The following CCDC7 variants were observed in gnomAD, a reference collection of about 807,000 sequenced individuals.
The protein encoded by CCDC7 is coiled-coil domain containing 7.
In CCDC7, 183 loss-of-function variants were observed where a neutral mutation model predicts 196.9. That is an observed-to-expected ratio of 0.93 (90% CI 0.82 to 1.05). CCDC7 has a LOEUF of 1.05. Among genes scored for constraint, CCDC7 ranks in the 50% least tolerant of loss-of-function variants. The pLI is 0.00. For missense variants in CCDC7, 1,540 were observed against 1,482.2 expected, an observed-to-expected ratio of 1.04 and a Z score of -0.64; for synonymous variants, 525 against 484.6, an observed-to-expected ratio of 1.08 and a Z score of -1.10.
intron 13 of CCDC7, among the ~76,000 whole-genome samples, chr10:32,550,916 A>G (rs2053371291): frequency 6.6e-6 from 1 of 152,126 alleles, no homozygotes; most frequent in African/African-American, 2.4e-5. Flanking sequence ...GCTTCATAGA[A>G]TGAATTAGGG....
At position 32,647,168 on chromosome 10, in the gene CCDC7, A is replaced by G. The variant is rs571411977; in HGVS notation, c.2014+12010A>G. Among the ~76,000 whole-genome samples, 6 of 152,348 alleles carry G rather than the reference A, an allele frequency of 3.9e-5. No homozygotes were observed. The East Asian group carries it at 1.2e-3, about 29-fold the overall frequency. Reference sequence around the variant, plus strand: ...TTGAGACATCTCCAAACTGCTTTCCATAGTGGCTGAGCTAATTTACATTCC... The same window carrying G: ...TTGAGACATCTCCAAACTGCTTTCCGTAGTGGCTGAGCTAATTTACATTCC... On this transcript the variant is annotated intron_variant, in intron 20 of 41. Coordinates refer to ENST00000639629, the Ensembl canonical transcript of CCDC7.
Position 32,511,585 on chromosome 10 carries a change from T to C in CCDC7, c.873-6360T>C, listed in dbSNP as rs572701042. On this transcript the variant is annotated intron_variant, in intron 9 of 41. Coordinates refer to ENST00000639629, the Ensembl canonical transcript of CCDC7. Reference sequence around the variant, plus strand: ...ATGCAGAAACCAAATCCACTTTTGCTTGTTCAAGTGGATCCAACTTCTGCA... The same window carrying C: ...ATGCAGAAACCAAATCCACTTTTGCCTGTTCAAGTGGATCCAACTTCTGCA... The C allele has an allele frequency of 9.3e-4, 1,487 of 1,605,392 alleles. 6 individuals carry two copies. Among genetic ancestry groups the C allele is most frequent in the South Asian group, 1.6e-3 (141 of 90,840 alleles).
Position 32,642,437 on chromosome 10 carries a change from G to T in CCDC7, c.2014+7279G>T, listed in dbSNP as rs572205383. 9.6e-4 allele frequency among the ~76,000 whole-genome samples: 146 copies of T among 152,342 alleles called. No individual in the cohort carries two copies. The East Asian group carries it at 0.012, about 12-fold the overall frequency. ...AATGAGCGAGGCTCCGTGGGCGTAG[G>T]ACCCTCCGAGCCAGGTGCGGGATAT... On this transcript the variant is annotated intron_variant, in intron 20 of 41. Coordinates refer to ENST00000639629, the Ensembl canonical transcript of CCDC7.
chr10:32,821,705 G>A (rs1216700928), intron 31 of CCDC7, among the ~76,000 whole-genome samples: 1 of 151,852 alleles, frequency 6.6e-6, no homozygotes, highest in African/African-American at 2.4e-5. Context: ...GCAAACTATC[G>A]CAAGGCCAAA....
chr10:32,514,716 G>T (rs2046757960), intron 9 of CCDC7: 1 of 152,178 alleles, frequency 6.6e-6, no homozygotes, highest in African/African-American at 2.4e-5. Context: ...GAATTTAAAA[G>T]AAATGCAAGA....
chr10:32,686,100 A>G lies in CCDC7; in HGVS notation c.2233+20A>G, dbSNP rs1356042379. 6 of 1,137,652 alleles carry G rather than the reference A, an allele frequency of 5.3e-6. No individual in the cohort carries two copies. The highest frequency in any genetic ancestry group is 1.5e-5 in the South Asian group (1 of 68,836). 70.5% of individuals were successfully genotyped at this position (1,137,652 alleles called of 1,614,324 possible). On this transcript the variant is annotated intron_variant, in intron 22 of 41. Coordinates refer to ENST00000639629, the Ensembl canonical transcript of CCDC7. Reference sequence around the variant, plus strand: ...TCACCAGTAAGTATAAAAATTACACATAACTTTACATTATTTTAAATTAGT... The same window carrying G: ...TCACCAGTAAGTATAAAAATTACACGTAACTTTACATTATTTTAAATTAGT...
At chr10:32,627,821 A>G (rs1337850030) in intron 18 of CCDC7, among the ~76,000 whole-genome samples, 1 of 151,772 alleles carries the variant, frequency 6.6e-6, no homozygotes, top group Non-Finnish European at 1.5e-5. Context: ...ACATTTATTG[A>G]TTTGTATGTA....
At chr10:32,794,362 T>A (rs752550143) in intron 29 of CCDC7, among the ~76,000 whole-genome samples, 4 of 152,248 alleles carry the variant, frequency 2.6e-5, no homozygotes, top group South Asian at 2.1e-4. Context: ...TTTGCTATTG[T>A]GAATAGTGCA....
chr10:32,555,279 C>T (rs1321502663), intron 13 of CCDC7, among the ~76,000 whole-genome samples: 2 of 147,010 alleles, frequency 1.4e-5, no homozygotes, highest in African/African-American at 2.5e-5. Flanking sequence ...TGGAGTCTTG[C>T]TGTGTGGCCA....
chr10:32,501,725 G>A (rs2044071232), intron 9 of CCDC7, among the ~76,000 whole-genome samples: 1 of 152,210 alleles, frequency 6.6e-6, no homozygotes, highest in South Asian at 2.1e-4. Flanking sequence ...TCATCTCAGA[G>A]GGGCACCAGC....
intron 29 of CCDC7, among the ~76,000 whole-genome samples, chr10:32,779,421 T>C (rs1175747572): frequency 6.6e-6 from 1 of 152,234 alleles, no homozygotes; most frequent in Non-Finnish European, 1.5e-5. Flanking sequence ...TAATTTCTTA[T>C]ACCATCTTTT....
intron 8 of CCDC7, among the ~76,000 whole-genome samples, chr10:32,476,659 C>T (rs2039032619): frequency 6.6e-6 from 1 of 152,178 alleles, no homozygotes; most frequent in Admixed American, 6.5e-5. Context: ...GGGGCTGTAC[C>T]ATTTTGCATT....
chr10:32,600,494 A>T (rs1239060796), intron 18 of CCDC7, among the ~76,000 whole-genome samples: 1 of 152,112 alleles, frequency 6.6e-6, no homozygotes, highest in East Asian at 1.9e-4. Context: ...ATATGATCAT[A>T]TCATCGGCAA....
intron 11 of CCDC7, among the ~76,000 whole-genome samples, chr10:32,525,269 A>C (rs928906514): frequency 8.5e-5 from 13 of 152,108 alleles, no homozygotes; most frequent in Non-Finnish European, 1.5e-4. Flanking sequence ...AGAAAAAAAA[A>C]CCCAAATAGC....
downstream of CCDC7, chr10:32,876,668 A>G (rs527317027): frequency 3.4e-6 from 1 of 296,044 alleles, no homozygotes; most frequent in South Asian, 7.1e-5. Flanking sequence ...ACAAATAATA[A>G]AAATATTCAC....
intron 29 of CCDC7, among the ~76,000 whole-genome samples, chr10:32,794,193 C>G (rs191488548): frequency 6.6e-6 from 1 of 152,146 alleles, no homozygotes. Flanking sequence ...GGTTTTCTGT[C>G]CCTGCATTGT....
intron 21 of CCDC7, among the ~76,000 whole-genome samples, chr10:32,680,582 C>A (rs947332032): frequency 3.3e-5 from 5 of 152,182 alleles, no homozygotes; most frequent in Non-Finnish European, 5.9e-5. Flanking sequence ...CCTCCCCCGA[C>A]AGGCCCCACT....
At chr10:32,707,598 A>C (rs906343425) in intron 24 of CCDC7, among the ~76,000 whole-genome samples, 5 of 152,234 alleles carry the variant, frequency 3.3e-5, no homozygotes, top group Non-Finnish European at 7.3e-5. Context: ...AAATCTCCTT[A>C]AGCTGATAAG....
intron 20 of CCDC7, among the ~76,000 whole-genome samples, chr10:32,651,906 T>C (rs1468008827): frequency 2.0e-5 from 3 of 152,184 alleles, no homozygotes; most frequent in Non-Finnish European, 4.4e-5. Context: ...TTTATTAAGG[T>C]GAACTTTAAA....
Sources: allele counts gnomAD v4.1 joint callset (sites outside exome capture counted in the v4.1 genomes callset), GRCh38; gene constraint gnomAD v4.1.1; transcripts MANE v1.5; gene names NCBI Gene and HGNC (gene_info 2026-07-23, HGNC 2026-07-21).